SLC30A3: variants seen among roughly 807,000 people sequenced by gnomAD.
SLC30A3 encodes probable proton-coupled zinc antiporter SLC30A3.
SLC30A3 carries 20 observed loss-of-function variants against 35.6 expected under a neutral mutation model. The observed-to-expected ratio is 0.56, with a 90% CI of 0.39 to 0.82. The LOEUF (loss-of-function observed/expected upper bound fraction) is 0.82. Ranked by LOEUF, SLC30A3 falls within the 40% of genes least tolerant of loss-of-function variation. The probability of loss-of-function intolerance (pLI) is 0.00; values close to 1 mark genes in which losing one functional copy is unlikely to be tolerated. For synonymous variants in SLC30A3, 217 were observed against 224.7 expected, an observed-to-expected ratio of 0.97 and a Z score of 0.31; for missense variants, 401 against 530.6, an observed-to-expected ratio of 0.76 and a Z score of 2.40.
At chr2:27,269,583 T>G (rs534970582) in intron 1 of SLC30A3, among the ~76,000 whole-genome samples, 1 of 152,014 alleles carries the variant, frequency 6.6e-6, no homozygotes. Context: ...CACTGGCATG[T>G]GGATGACACC....
intron 1 of SLC30A3, among the ~76,000 whole-genome samples, chr2:27,259,971 G>A (rs929824719): frequency 1.3e-5 from 2 of 152,194 alleles, no homozygotes; most frequent in Non-Finnish European, 2.9e-5. Context: ...GAGGTAACAT[G>A]AGAAGGGCCT....
At chr2:27,263,892 A>AGC (rs1677359758), upstream of SLC30A3, 2 of 491,556 alleles carry the variant, frequency 4.1e-6, no homozygotes, top group South Asian at 3.2e-5. Flanking sequence ...GCTGAGGGGC[A>AGC]GCGGGGCAGC....
At position 27,258,654 on chromosome 2, in the gene SLC30A3, C is replaced by G; in HGVS notation, c.277+99G>C. 1 of 1,329,874 alleles carries G rather than the reference C, an allele frequency of 7.5e-7. No individual in the cohort carries two copies. The highest frequency in any genetic ancestry group is 1.1e-6 in the Non-Finnish European group (1 of 941,316). 82.4% of individuals were successfully genotyped at this position (1,329,874 alleles called of 1,614,324 possible). The stretch of plus-strand genomic sequence containing the variant: ...GCTCCCCTATCCCAGCCATCCCCAT[C>G]TCTGCATCTGCACCCAGGAACATTC... On this transcript the variant is annotated intron_variant, in intron 2 of 7. Coordinates refer to ENST00000233535, the MANE Select transcript of SLC30A3 (RefSeq NM_003459.5). This position sits in a 1 kb window ranked among gnomAD's most constrained non-coding sequence, Gnocchi z 4.0.
At chr2:27,275,371 TA>T, upstream of SLC30A3, 1 of 482,592 alleles carries the variant, frequency 2.1e-6, no homozygotes, top group Non-Finnish European at 3.6e-6. Flanking sequence ...GCGCGCGAAA[TA>T]AGTCCCAGGG....
rs942147884 is a variant in SLC30A3 at position 27,257,806 on chromosome 2, C to G, written c.578+99G>C. The G allele has an allele frequency of 9.0e-6, 11 of 1,222,034 alleles. No individual in the cohort carries two copies. Among genetic ancestry groups the G allele is most frequent in the African/African-American group, 7.5e-5 (5 of 66,970 alleles). 75.7% of individuals were successfully genotyped at this position (1,222,034 alleles called of 1,614,324 possible). A position where few individuals can be genotyped will look rare whatever the true frequency, so the allele number is the denominator to read the frequency against. On this transcript the variant is annotated intron_variant, in intron 4 of 7. Transcript: ENST00000233535. The surrounding 1 kb of genome is among the most constrained non-coding windows in gnomAD (Gnocchi z 4.7). Reference sequence around the variant, plus strand: ...CCCATGGAGAGCTGTGTGTGCGTGTCTGTGTGTCTGGTGGGGAGGAGAGAG... The same window carrying G: ...CCCATGGAGAGCTGTGTGTGCGTGTGTGTGTGTCTGGTGGGGAGGAGAGAG...
upstream of SLC30A3, chr2:27,264,101 TG>T (rs1429355105): frequency 7.8e-7 from 1 of 1,274,498 alleles, no homozygotes; most frequent in Non-Finnish European, 1.0e-6. The surrounding 1 kb of genome is among the most constrained non-coding windows in gnomAD (Gnocchi z 6.1). Context: ...TGGGAGGGGG[TG>T]GGAAGAGGAT....
At chr2:27,256,578 C>G in intron 6 of SLC30A3, 58 bp from the exon 7 acceptor site, 1 of 1,606,482 alleles carries the variant, frequency 6.2e-7, no homozygotes. Flanking sequence ...AGAAGCAGCA[C>G]CCCCACCACT....
Position 27,257,969 on chromosome 2 carries a change from C to T in SLC30A3, c.514G>A (p.Asp172Asn), listed in dbSNP as rs753005909. Residue 172 changes from aspartate (D) to asparagine (N), a missense_variant, in exon 4 of 8, where the codon GAC becomes AAC. Physicochemically the swap from Asp to Asn is conservative, Grantham distance 23. Coordinates refer to ENST00000233535, the MANE Select transcript of SLC30A3 (RefSeq NM_003459.5). The surrounding 1 kb of genome is among the most constrained non-coding windows in gnomAD (Gnocchi z 4.7). ...ATGGCACCCCCCTCGATGTGGTAGT[C>T]GCTGTGCAGCAGGCGGACGAAGGCC... Reference protein sequence around the residue: ...YLAFVRLLHSDYHIEGGAMLL... With the variant: ...YLAFVRLLHSNYHIEGGAMLL... 6 of 1,614,182 alleles carry T rather than the reference C, an allele frequency of 3.7e-6. No homozygotes were observed. The highest frequency in any genetic ancestry group is 2.2e-5 in the East Asian group (1 of 44,882).
At position 27,255,325 on chromosome 2, in the gene SLC30A3, G is replaced by A; in HGVS notation, c.1154C>T (p.Pro385Leu). The A allele has an allele frequency of 1.2e-6, 2 of 1,614,092 alleles. No individual in the cohort carries two copies. The highest frequency in any genetic ancestry group is 1.7e-6 in the Non-Finnish European group (2 of 1,180,020). ...EMAQCLRCQEPPQA is the reference protein window; with the variant it reads ...EMAQCLRCQELPQA Reference sequence around the variant, plus strand: ...CAGGGCCATGGCTCAGGCTTGGGGGGGTTCCTGGCAGCGCAGGCACTGGGC... The same window carrying A: ...CAGGGCCATGGCTCAGGCTTGGGGGAGTTCCTGGCAGCGCAGGCACTGGGC... The change falls in exon 8 of 8, where the codon CCC becomes CTC. Residue 385 changes from proline to leucine, a missense_variant. Coordinates refer to ENST00000233535, the MANE Select transcript of SLC30A3 (RefSeq NM_003459.5). The surrounding 1 kb of genome is among the most constrained non-coding windows in gnomAD (Gnocchi z 5.2).
In SLC30A3 at chr2:27,257,296, G is replaced by A. The variant is rs767117524; in HGVS notation, c.635C>T (p.Ala212Val). Reference sequence around the variant, plus strand: ...CCCCTCCTCCAGCGGTGCATACTCTGCTCCCCTAGACCCGTGGCTGTGGGG... The same window carrying A: ...CCCCTCCTCCAGCGGTGCATACTCTACTCCCCTAGACCCGTGGCTGTGGGG... ...GPPHSHGSRGAEYAPLEEGPE... is the reference protein window; with the variant it reads ...GPPHSHGSRGVEYAPLEEGPE... Residue 212 changes from alanine (A) to valine (V), a missense_variant, in exon 5 of 8, where the codon GCA becomes GTA. Physicochemically the swap from Ala to Val is moderately conservative, Grantham distance 64. Transcript: ENST00000233535. The surrounding 1 kb of genome is among the most constrained non-coding windows in gnomAD (Gnocchi z 4.7). The A allele has an allele frequency of 9.3e-6, 15 of 1,613,828 alleles. No homozygotes were observed. The highest frequency in any genetic ancestry group is 1.3e-5 in the African/African-American group (1 of 74,886).
rs1294985949 is a variant in SLC30A3, at chr2:27,262,701, C to G, written c.95+111G>C. On this transcript the variant is annotated intron_variant, in intron 1 of 7. Coordinates refer to ENST00000233535, the MANE Select transcript of SLC30A3 (RefSeq NM_003459.5). This position sits in a 1 kb window ranked among gnomAD's most constrained non-coding sequence, Gnocchi z 7.5. Reference sequence around the variant, plus strand: ...AGCGGGGTGCAGCGGAGCGAGGGACCCGCGGTGCGCTGGGGCGGCCGCCGG... The same window carrying G: ...AGCGGGGTGCAGCGGAGCGAGGGACGCGCGGTGCGCTGGGGCGGCCGCCGG... 20 of 1,073,854 alleles carry G rather than the reference C, an allele frequency of 1.9e-5. No homozygotes were observed. Among genetic ancestry groups the G allele is most frequent in the Non-Finnish European group, 2.3e-5 (18 of 784,954 alleles). The allele number at this position is 1,073,854 out of a possible 1,614,324, so 66.5% of individuals were successfully genotyped here. A position where few individuals can be genotyped will look rare whatever the true frequency, so the allele number is the denominator to read the frequency against.
At chr2:27,260,385 T>C (rs1039479053) in intron 1 of SLC30A3, among the ~76,000 whole-genome samples, 40 of 152,146 alleles carry the variant, frequency 2.6e-4, no homozygotes, top group African/African-American at 8.2e-4. Context: ...CTTAACTGCA[T>C]GGTACCATAA....
Position 27,257,069 on chromosome 2 carries a change from G to A in SLC30A3, c.777+85C>T. ...TGGGAGGGAGGAGCTGGAGGGAGGA[G>A]GAAGGAAGCTTTGGGACCTGGGAAG... is the stretch of plus-strand genomic sequence containing the variant. On this transcript the variant is annotated intron_variant, in intron 5 of 7. Coordinates refer to ENST00000233535, the MANE Select transcript of SLC30A3 (RefSeq NM_003459.5). This position sits in a 1 kb window ranked among gnomAD's most constrained non-coding sequence, Gnocchi z 4.7. 3 of 1,379,696 alleles carry A rather than the reference G, an allele frequency of 2.2e-6. No homozygotes were observed. The highest frequency in any genetic ancestry group is 3.1e-6 in the Non-Finnish European group (3 of 969,936). The allele number at this position is 1,379,696 out of a possible 1,614,324, so 85.5% of individuals were successfully genotyped here.
At chr2:27,267,672 C>T (rs932743015), upstream of SLC30A3, among the ~76,000 whole-genome samples, 7 of 152,216 alleles carry the variant, frequency 4.6e-5, no homozygotes, top group South Asian at 4.1e-4. Flanking sequence ...CGGTGGCTCA[C>T]GCCTGTAATC....
chr2:27,257,493 C>G lies in SLC30A3; in HGVS notation c.579-141G>C, dbSNP rs761652396. The G allele has an allele frequency of 2.5e-6, 2 of 792,796 alleles. No homozygotes were observed. Among genetic ancestry groups the G allele is most frequent in the African/African-American group, 3.5e-5 (2 of 56,952 alleles). The allele number at this position is 792,796 out of a possible 1,614,324, so 49.1% of individuals were successfully genotyped here. On this transcript the variant is annotated intron_variant, in intron 4 of 7. Transcript: ENST00000233535. The surrounding 1 kb of genome is among the most constrained non-coding windows in gnomAD (Gnocchi z 4.7). ...TTTGCAAGAGAGATAAACAATGCAG[C>G]CTGGGGGAAAGAATACCAGACTTGG...
exon 1 of SLC30A3, chr2:27,275,311 T>TA (rs954079715): frequency 1.6e-5 from 15 of 919,566 alleles, no homozygotes; most frequent in Admixed American, 1.4e-4. Flanking sequence ...GCAACGCTCC[T>TA]ACGCTGCCTT....
chr2:27,273,955 G>A (rs1437952822), intron 1 of SLC30A3, among the ~76,000 whole-genome samples: 2 of 152,144 alleles, frequency 1.3e-5, no homozygotes, highest in Non-Finnish European at 2.9e-5. Flanking sequence ...CTTCTTTTTT[G>A]GTGAGTGACC....
rs1188918002 is a variant in SLC30A3 at position 27,255,794 on chromosome 2, A to G, written c.1019-334T>C. 3.6e-6 allele frequency: 1 copy of G among 274,588 alleles called. No homozygotes were observed. Among genetic ancestry groups the G allele is most frequent in the Non-Finnish European group, 6.9e-6 (1 of 145,164 alleles). 17.0% of individuals were successfully genotyped at this position (274,588 alleles called of 1,614,324 possible). A position where few individuals can be genotyped will look rare whatever the true frequency, so the allele number is the denominator to read the frequency against. The stretch of plus-strand genomic sequence containing the variant: ...AATATCTGTCTCATTGTCCCTCTAG[A>G]GTTTCCATCAAATATCCCACAAATT... On this transcript the variant is annotated intron_variant, in intron 7 of 7. Coordinates refer to ENST00000233535, the MANE Select transcript of SLC30A3 (RefSeq NM_003459.5). The surrounding 1 kb of genome is among the most constrained non-coding windows in gnomAD (Gnocchi z 5.2).
intron 1 of SLC30A3, among the ~76,000 whole-genome samples, chr2:27,269,186 T>TC (rs1558567852): frequency 6.6e-6 from 1 of 150,578 alleles, no homozygotes; most frequent in Non-Finnish European, 1.5e-5. Flanking sequence ...GTGTGGTTTT[T>TC]TTTTTCTTTT....
Sources: allele counts gnomAD v4.1 joint callset (sites outside exome capture counted in the v4.1 genomes callset), GRCh38; gene constraint gnomAD v4.1.1; non-coding constraint Gnocchi (gnomAD v3.1); transcripts MANE v1.5; gene names NCBI Gene and HGNC (gene_info 2026-07-23, HGNC 2026-07-21).